Variants in NOSTRIN observed in about 807,000 individuals in gnomAD.
NOSTRIN encodes BM247 homolog.
A neutral mutation model predicts 59.0 loss-of-function variants in NOSTRIN; 63 were observed. The ratio of observed to expected loss-of-function variants is 1.07; its 90% CI spans 0.87 to 1.32. The LOEUF is 1.32. Ranked by LOEUF, NOSTRIN falls within the 40% of genes most tolerant of loss-of-function variation. The pLI is 0.00. For synonymous variants in NOSTRIN, 200 were observed against 165.4 expected (o/e 1.21, Z -1.61); for missense variants, 512 against 473.1 (o/e 1.08, Z -0.76).
At chr2:168,855,191 GGTAGAACAAT>G (rs773693499) in intron 10 of NOSTRIN, among the ~76,000 whole-genome samples, 151 bp from the exon 11 acceptor site, 41 of 152,158 alleles carry the variant, frequency 2.7e-4, no homozygotes, top group Non-Finnish European at 1.9e-4. Flanking sequence ...GTCTCGAACA[GGTAGAACAAT>G]GTGTGTAAAA....
At chr2:168,803,066 G>A (rs1205842203) in intron 1 of NOSTRIN, among the ~76,000 whole-genome samples, 1 of 152,120 alleles carries the variant, frequency 6.6e-6, no homozygotes, top group African/African-American at 2.4e-5. Context: ...ATAAAGTGAG[G>A]GAGGAGAGTT....
intron 15 of NOSTRIN, chr2:168,863,464 A>G: frequency 3.0e-6 from 3 of 985,292 alleles, no homozygotes; most frequent in Non-Finnish European, 3.6e-6. Context: ...TTGGATCCTG[A>G]CGGGGGCAGA....
intron 7 of NOSTRIN, 58 bp downstream of exon 7, chr2:168,834,383 C>G (rs1395106452): frequency 2.8e-5 from 23 of 826,798 alleles, no homozygotes; most frequent in Non-Finnish European, 4.7e-5. Flanking sequence ...ACTTGCTGCC[C>G]TTAGCTACGA....
At chr2:168,822,105 CTT>C (rs758605419) in intron 2 of NOSTRIN, among the ~76,000 whole-genome samples, 7 of 152,200 alleles carry the variant, frequency 4.6e-5, no homozygotes, top group Non-Finnish European at 7.3e-5. Flanking sequence ...AACCAGCACT[CTT>C]TTTCTCTCCT....
At chr2:168,856,662 G>C (rs757511120) in intron 11 of NOSTRIN, 28 bp from the exon 12 acceptor site, 2 of 1,604,586 alleles carry the variant, frequency 1.2e-6, no homozygotes, top group Non-Finnish European at 1.7e-6. Flanking sequence ...AGTGTGAAAG[G>C]TGACTGAGAA....
Position 168,803,984 on chromosome 2 carries a change from G to A in NOSTRIN, c.27+1311G>A, listed in dbSNP as rs371624174. 5.1e-4 allele frequency among the ~76,000 whole-genome samples: 77 copies of A among 152,280 alleles called. 1 individual carries two copies. The highest frequency in any genetic ancestry group is 4.4e-3 in the South Asian group (21 of 4,824). On this transcript the variant is annotated intron_variant, in intron 1 of 15. Coordinates refer to ENST00000317647, the MANE Select transcript of NOSTRIN (RefSeq NM_001039724.4). ...AGGCCAGGACAGGGATGGGGTAAGT[G>A]GCAGCAAAATCTTGGCACTAATAGT...
intron 2 of NOSTRIN, among the ~76,000 whole-genome samples, chr2:168,791,930 G>T (rs1239836646): frequency 6.6e-6 from 1 of 152,094 alleles, no homozygotes; most frequent in Non-Finnish European, 1.5e-5. Context: ...CCATTGTGTA[G>T]GTTGCCTGTT....
intron 7 of NOSTRIN, among the ~76,000 whole-genome samples, chr2:168,838,790 T>TC (rs1178016402): frequency 1.2e-4 from 3 of 24,446 alleles, no homozygotes; most frequent in African/African-American, 9.0e-4. Flanking sequence ...AAAAAAACTC[T>TC]TTTTTTTTTT....
chr2:168,823,642 C>T (rs990774018), intron 2 of NOSTRIN, among the ~76,000 whole-genome samples: 5 of 152,204 alleles, frequency 3.3e-5, no homozygotes, highest in African/African-American at 1.2e-4. Flanking sequence ...CTGATGACCT[C>T]ATCTTAACTT....
chr2:168,796,388 G>A (rs906545147), upstream of NOSTRIN, among the ~76,000 whole-genome samples: 3 of 152,174 alleles, frequency 2.0e-5, no homozygotes, highest in African/African-American at 7.2e-5. Flanking sequence ...CCCCTTAACC[G>A]CTGGACCCCA....
chr2:168,818,296 G>T (rs2461389), intron 2 of NOSTRIN: 1 of 371,122 alleles, frequency 2.7e-6, no homozygotes, highest in Admixed American at 2.9e-5. Context: ...TAGGACTGCA[G>T]GTGTGTGCCA....
chr2:168,860,292 G>A (rs1689357022), intron 13 of NOSTRIN, among the ~76,000 whole-genome samples: 1 of 152,214 alleles, frequency 6.6e-6, no homozygotes, highest in Non-Finnish European at 1.5e-5. Flanking sequence ...TAGTAATTGT[G>A]TAATTGTGAA....
At chr2:168,852,042 C>A (rs556259104) in intron 10 of NOSTRIN, among the ~76,000 whole-genome samples, 52 of 152,236 alleles carry the variant, frequency 3.4e-4, no homozygotes, top group African/African-American at 1.3e-3. Flanking sequence ...CAGCCTACTC[C>A]CCGCAAAATG....
At chr2:168,839,919 A>ATG (rs1687970372) in intron 7 of NOSTRIN, among the ~76,000 whole-genome samples, 2 of 93,618 alleles carry the variant, frequency 2.1e-5, no homozygotes, top group Non-Finnish European at 3.9e-5. Context: ...ATATATATAT[A>ATG]TATGTGTGTG....
intron 8 of NOSTRIN, among the ~76,000 whole-genome samples, chr2:168,845,183 T>G (rs1688340747): frequency 6.6e-6 from 1 of 152,152 alleles, no homozygotes; most frequent in Admixed American, 6.5e-5. Flanking sequence ...TGAGAAAAGG[T>G]CAGGGATTTA....
intron 7 of NOSTRIN, among the ~76,000 whole-genome samples, chr2:168,841,113 G>A (rs1688069458): frequency 6.6e-6 from 1 of 151,504 alleles, no homozygotes; most frequent in Admixed American, 6.6e-5. Context: ...ACTAGTCCCA[G>A]CTACTTGGGA....
In NOSTRIN at chr2:168,824,706, C is replaced by T; in HGVS notation, c.186C>T (p.Asn62=). 1 of 872,656 alleles carries T rather than the reference C, an allele frequency of 1.1e-6. No individual in the cohort carries two copies. The highest frequency in any genetic ancestry group is 2.0e-6 in the Non-Finnish European group (1 of 501,514). The allele number at this position is 872,656 out of a possible 1,614,324, so 54.1% of individuals were successfully genotyped here. A position where few individuals can be genotyped will look rare whatever the true frequency, so the allele number is the denominator to read the frequency against. ...GCAAGCTGAGCAAAGCATTACAGAACACGAGAAAAAGGTAAGTATTGTGGC... is the reference window on the plus strand; with the variant it reads ...GCAAGCTGAGCAAAGCATTACAGAATACGAGAAAAAGGTAAGTATTGTGGC... ...LASKLSKALQ[N]TRKSCVSSAW... The change falls in exon 3 of 16, where the codon AAC becomes AAT. Residue 62 remains asparagine (N), a synonymous_variant. Coordinates refer to ENST00000317647, the MANE Select transcript of NOSTRIN (RefSeq NM_001039724.4).
In NOSTRIN at chr2:168,865,025, T is replaced by G; in HGVS notation, c.*55T>G. The stretch of plus-strand genomic sequence containing the variant: ...CTCGGTAATCAACAATACAGTGTGG[T>G]TCAAATAAGAATAAAGTGCTCTTAC... On this transcript the variant is annotated 3_prime_UTR_variant, in exon 16 of 16. Transcript: ENST00000317647. The G allele has an allele frequency of 2.5e-6, 4 of 1,576,654 alleles. No individual in the cohort carries two copies. Among genetic ancestry groups the G allele is most frequent in the Non-Finnish European group, 3.5e-6 (4 of 1,157,538 alleles).
In NOSTRIN at chr2:168,855,420, AC is replaced by A; in HGVS notation, c.925del (p.Leu309CysfsTer40). On this transcript the variant is annotated frameshift_variant, in exon 11 of 16. Transcript: ENST00000317647. LOFTEE classifies it high-confidence loss of function. Reference sequence around the variant, plus strand: ...CTTTACTAAAACCAAAATTATTGAGACTGCAGAGAGACATTGAAAAAGCCTC... The same window carrying A: ...CTTTACTAAAACCAAAATTATTGAGATGCAGAGAGACATTGAAAAAGCCTC... Reference protein sequence around the residue: ...KSLLKPKLLRLQRDIEKASKD... With the variant: ...KSLLKPKLLRXQRDIEKASKD... 11 of 1,611,476 alleles carry A rather than the reference AC, an allele frequency of 6.8e-6. No individual in the cohort carries two copies. Among genetic ancestry groups the A allele is most frequent in the Non-Finnish European group, 9.3e-6 (11 of 1,178,002 alleles).
Sources: allele counts gnomAD v4.1 joint callset (sites outside exome capture counted in the v4.1 genomes callset), GRCh38; gene constraint gnomAD v4.1.1; transcripts MANE v1.5; gene names NCBI Gene and HGNC (gene_info 2026-07-23, HGNC 2026-07-21).